The following LIFR variants were observed in gnomAD, a reference collection of about 807,000 sequenced individuals.
The protein encoded by LIFR is leukemia inhibitory factor receptor.
LIFR carries 84 observed loss-of-function variants against 122.2 expected under a neutral mutation model. That is an observed-to-expected ratio of 0.69 (90% CI 0.58 to 0.82). The LOEUF (loss-of-function observed/expected upper bound fraction) is 0.82. Among genes scored for constraint, LIFR ranks in the 40% least tolerant of loss-of-function variants. The pLI is 0.00. For synonymous variants in LIFR, 422 were observed against 434.7 expected (o/e 0.97, Z 0.36); for missense variants, 1,294 against 1,311.6 (o/e 0.99, Z 0.21).
At chr5:38,496,122 C>T (rs1744862648) in intron 13 of LIFR, among the ~76,000 whole-genome samples, 1 of 152,200 alleles carries the variant, frequency 6.6e-6, no homozygotes, top group African/African-American at 2.4e-5. Context: ...AAGTACTATC[C>T]ACCACTGTAA....
intron 5 of LIFR, among the ~76,000 whole-genome samples, chr5:38,520,008 A>G (rs561529041): frequency 6.6e-6 from 1 of 152,292 alleles, no homozygotes; most frequent in African/African-American, 2.4e-5. Flanking sequence ...GCTGGATCCT[A>G]TAGGAGTTCT....
In LIFR at chr5:38,550,025, C is replaced by T. The variant is rs574626235; in HGVS notation, c.-20+6309G>A. On this transcript the variant is annotated intron_variant, in intron 1 of 19. Coordinates refer to ENST00000453190, the MANE Select transcript of LIFR (RefSeq NM_001127671.2). The stretch of plus-strand genomic sequence containing the variant: ...AATGCACTATAACCACTGCTAAAGA[C>T]TGGTCACTGTACACATACTTTATCG... 2.6e-5 allele frequency among the ~76,000 whole-genome samples: 4 copies of T among 152,268 alleles called. No individual in the cohort carries two copies. In the East Asian group the frequency reaches 5.8e-4, roughly 22 times the overall value.
Position 38,480,979 on chromosome 5 carries a change from T to A in LIFR, c.*616A>T, listed in dbSNP as rs1199881332. On this transcript the variant is annotated 3_prime_UTR_variant, in exon 20 of 20. Transcript: ENST00000453190. ...AAGTTTGTACCCCTGAGACAACTGT[T>A]TGATAACCATTATACAGTAGGCACA... is the stretch of plus-strand genomic sequence containing the variant. 4.5e-6 allele frequency: 1 copy of A among 221,562 alleles called. No homozygotes were observed. Among genetic ancestry groups the A allele is most frequent in the Non-Finnish European group, 9.0e-6 (1 of 110,742 alleles). 13.7% of individuals were successfully genotyped at this position (221,562 alleles called of 1,614,324 possible).
At chr5:38,550,086 C>A (rs1455553964) in intron 1 of LIFR, 1 of 156,536 alleles carries the variant, frequency 6.4e-6, no homozygotes, top group African/African-American at 2.4e-5. Flanking sequence ...GGTGAACATG[C>A]CTGACTAAGG....
rs1744247698 is a variant in LIFR at position 38,485,717 on chromosome 5, G to GC, written c.2497+101_2497+102insG. On this transcript the variant is annotated intron_variant, in intron 17 of 19. Transcript: ENST00000453190. ...CCAAAAACTGCAACAAAATGTGAAT[G>GC]TTTTTTAGAAAGGGCGGGGAGGGGT... The GC allele has an allele frequency of 3.0e-6, 4 of 1,345,700 alleles. No individual in the cohort carries two copies. The South Asian group carries it at 4.8e-5, about 16-fold the overall frequency. The allele number at this position is 1,345,700 out of a possible 1,614,324, so 83.4% of individuals were successfully genotyped here.
intron 1 of LIFR, among the ~76,000 whole-genome samples, chr5:38,571,464 A>G (rs1466453996): frequency 7.0e-6 from 1 of 143,320 alleles, no homozygotes; most frequent in Non-Finnish European, 1.5e-5. Context: ...CTGGGGCAGG[A>G]GAGTCACCTG....
rs759919658 is a variant in LIFR, at chr5:38,523,594, G to C, written c.398-12C>G. The C allele has an allele frequency of 6.2e-7, 1 of 1,605,014 alleles. No homozygotes were observed. The highest frequency in any genetic ancestry group is 8.5e-7 in the Non-Finnish European group (1 of 1,172,518). On this transcript the variant is annotated splice_polypyrimidine_tract_variant and intron_variant, in intron 4 of 19. Transcript: ENST00000453190. ...ATCTGGAATTAAGGCTTTAAAAAGA[G>C]GAAACAAAAGAGAAAACTTAGTAAA...
At chr5:38,511,408 T>A (rs574433569) in intron 6 of LIFR, among the ~76,000 whole-genome samples, 90 of 152,238 alleles carry the variant, frequency 5.9e-4, no homozygotes, top group African/African-American at 2.1e-3. Context: ...GATCCCCGTG[T>A]TCCTGGCAAT....
At chr5:38,540,098 G>A (rs1408111192) in intron 1 of LIFR, among the ~76,000 whole-genome samples, 1 of 152,114 alleles carries the variant, frequency 6.6e-6, no homozygotes, top group Non-Finnish European at 1.5e-5. Flanking sequence ...CTGGAGTCAG[G>A]AGTCCTGGAC....
chr5:38,579,862 A>G (rs1207423474), intron 1 of LIFR, among the ~76,000 whole-genome samples: 1 of 152,230 alleles, frequency 6.6e-6, no homozygotes, highest in African/African-American at 2.4e-5. Flanking sequence ...CTATGCAAAT[A>G]TCTTAATATT....
intron 1 of LIFR, among the ~76,000 whole-genome samples, chr5:38,550,642 T>C (rs1748151174): frequency 1.3e-5 from 2 of 152,244 alleles, no homozygotes; most frequent in Admixed American, 1.3e-4. Context: ...AGATAATCAC[T>C]TATTCAACAA....
At chr5:38,589,164 A>AT (rs1749844352) in intron 1 of LIFR, among the ~76,000 whole-genome samples, 1 of 151,606 alleles carries the variant, frequency 6.6e-6, no homozygotes, top group African/African-American at 2.4e-5. Context: ...CGCCCAGCTA[A>AT]TTTTTATTTT....
chr5:38,554,762 T>C (rs1029461444), intron 1 of LIFR, among the ~76,000 whole-genome samples: 1 of 152,178 alleles, frequency 6.6e-6, no homozygotes, highest in Admixed American at 6.5e-5. Flanking sequence ...GGGAGAGAGG[T>C]ATACTCCGTA....
At chr5:38,595,586 A>G (rs1057160568), upstream of LIFR, among the ~76,000 whole-genome samples, 22 of 152,248 alleles carry the variant, frequency 1.4e-4, no homozygotes, top group African/African-American at 4.1e-4. Flanking sequence ...AATGGGATAA[A>G]AAGCTTTTGC....
chr5:38,598,084 C>G (rs2112777346), upstream of LIFR, among the ~76,000 whole-genome samples: 1 of 152,068 alleles, frequency 6.6e-6, no homozygotes, highest in Non-Finnish European at 1.5e-5. Context: ...CTTTCCCCAG[C>G]TGCATCCAGG....
At chr5:38,497,465 A>T (rs1744943536) in intron 12 of LIFR, among the ~76,000 whole-genome samples, 1 of 152,268 alleles carries the variant, frequency 6.6e-6, no homozygotes, top group Admixed American at 6.5e-5. Flanking sequence ...CACATTTTTC[A>T]GGAGCAAAAC....
At chr5:38,547,175 G>A (rs1197232209) in intron 1 of LIFR, among the ~76,000 whole-genome samples, 3 of 152,144 alleles carry the variant, frequency 2.0e-5, no homozygotes, top group African/African-American at 4.8e-5. Context: ...GTATCTATAT[G>A]TACAATTTGT....
In LIFR at chr5:38,506,232, T is replaced by C. The variant is rs1057093664; in HGVS notation, c.1122-158A>G. Among the ~76,000 whole-genome samples, 4 of 152,210 alleles carry C rather than the reference T, an allele frequency of 2.6e-5. No homozygotes were observed. The South Asian group carries it at 6.2e-4, about 24-fold the overall frequency. On this transcript the variant is annotated intron_variant, in intron 8 of 19. Coordinates refer to ENST00000453190, the MANE Select transcript of LIFR (RefSeq NM_001127671.2). ...AAGAAAATGTATGTGATACAGAAAA[T>C]AGAAGAAATTAATCAGCCATAAGTT...
At position 38,502,683 on chromosome 5, in the gene LIFR, T is replaced by C; in HGVS notation, c.1554A>G (p.Lys518=). The C allele has an allele frequency of 6.2e-7, 1 of 1,613,798 alleles. No homozygotes were observed. Among genetic ancestry groups the C allele is most frequent in the South Asian group, 1.1e-5 (1 of 91,072 alleles). The change falls in exon 11 of 20, where the codon AAA becomes AAG. Residue 518 remains lysine, a synonymous_variant. Coordinates refer to ENST00000453190, the MANE Select transcript of LIFR (RefSeq NM_001127671.2). ...RIRCSTETFW[K]WSKWSNKKQH... The stretch of plus-strand genomic sequence containing the variant: ...GTTTTTTATTGCTCCATTTGCTCCA[T>C]TTCCAGAAAGTTTCAGTAGAACAAC...
Sources: gnomAD v4.1 joint callset for allele counts (sites outside exome capture counted in the v4.1 genomes callset) on GRCh38, gnomAD v4.1.1 for gene constraint, MANE v1.5 for transcripts, NCBI Gene and HGNC (gene_info 2026-07-23, HGNC 2026-07-21) for gene names.